PANK1: variants seen among roughly 807,000 people sequenced by gnomAD.
PANK1 encodes pantothenic acid kinase 1.
In PANK1, 18 loss-of-function variants were observed where a neutral mutation model predicts 40.1. The observed-to-expected ratio is 0.45, with a 90% CI of 0.31 to 0.67. The LOEUF (loss-of-function observed/expected upper bound fraction) is 0.67, where lower values mean the gene tolerates loss of function less well. Ranked by LOEUF, PANK1 falls within the 30% of genes least tolerant of loss-of-function variation. The pLI is 0.06. For synonymous variants in PANK1, 242 were observed against 237.7 expected (o/e 1.02, Z -0.17); for missense variants, 457 against 599.6 (o/e 0.76, Z 2.48).
chr10:89,587,937 T>C (rs1844253103), intron 6 of PANK1, among the ~76,000 whole-genome samples: 1 of 152,238 alleles, frequency 6.6e-6, no homozygotes, highest in African/African-American at 2.4e-5. Flanking sequence ...ATTTCTTTGG[T>C]GAGAACATTT....
chr10:89,600,702 C>A (rs1844752114), intron 2 of PANK1, among the ~76,000 whole-genome samples: 2 of 152,092 alleles, frequency 1.3e-5, no homozygotes, highest in Non-Finnish European at 2.9e-5. Context: ...GTCTGGTAGC[C>A]ATTTTGCCTT....
intron 1 of PANK1, among the ~76,000 whole-genome samples, chr10:89,640,161 C>A (rs1254722774): frequency 6.6e-6 from 1 of 152,084 alleles, no homozygotes; most frequent in Non-Finnish European, 1.5e-5. Flanking sequence ...GAACTGCATG[C>A]TTTTGTAAAA....
chr10:89,644,534 TC>T, intron 1 of PANK1, 65 bp downstream of exon 1: 1 of 1,437,458 alleles, frequency 7.0e-7, no homozygotes. Context: ...CCTCAGCCGC[TC>T]CCAGTCCCGG....
At chr10:89,629,034 C>T (rs6586210) in intron 1 of PANK1, among the ~76,000 whole-genome samples, 16,932 of 152,084 alleles carry the variant, frequency 0.11, 1,602 homozygotes, top group East Asian at 0.43. Flanking sequence ...CTGCTGTGTC[C>T]GAATGCAGAG....
chr10:89,584,595 G>T, intron 6 of PANK1, 130 bp from the exon 7 acceptor site: 1 of 618,374 alleles, frequency 1.6e-6, no homozygotes, highest in Non-Finnish European at 2.9e-6. Context: ...CACAAAACAT[G>T]GCAGAATAAT....
chr10:89,592,006 G>A (rs914257758), intron 5 of PANK1, among the ~76,000 whole-genome samples: 1 of 152,136 alleles, frequency 6.6e-6, no homozygotes, highest in African/African-American at 2.4e-5. Context: ...ATTGGTCTTG[G>A]GGCTTGTTTC....
chr10:89,586,375 T>C (rs1844196597), intron 6 of PANK1, among the ~76,000 whole-genome samples: 1 of 152,194 alleles, frequency 6.6e-6, no homozygotes, highest in Admixed American at 6.5e-5. Flanking sequence ...GGAAACTCCA[T>C]AAATAATCAG....
intron 1 of PANK1, among the ~76,000 whole-genome samples, chr10:89,628,986 A>C (rs1272826249): frequency 6.6e-6 from 1 of 152,156 alleles, no homozygotes; most frequent in Non-Finnish European, 1.5e-5. Context: ...TTAATTTCTC[A>C]CTGCTGTCAG....
intron 1 of PANK1, chr10:89,643,903 T>C (rs1343532210): frequency 1.4e-6 from 2 of 1,389,076 alleles, no homozygotes; most frequent in Non-Finnish European, 9.4e-7. Flanking sequence ...TTCTCCGGTG[T>C]ACATTACAAT....
At chr10:89,599,527 A>G in intron 2 of PANK1, 22 bp from the exon 3 acceptor site, 2 of 1,602,648 alleles carry the variant, frequency 1.2e-6, no homozygotes, top group Non-Finnish European at 1.7e-6. Flanking sequence ...CACACAACAA[A>G]ATAAAACCTT....
intron 6 of PANK1, 42 bp downstream of exon 6, chr10:89,588,610 A>G: frequency 1.3e-6 from 2 of 1,488,190 alleles, no homozygotes; most frequent in Non-Finnish European, 1.8e-6. Flanking sequence ...AAACCAAAAT[A>G]TACTCCACAT....
intron 2 of PANK1, among the ~76,000 whole-genome samples, chr10:89,611,283 T>C (rs968349331): frequency 1.3e-4 from 20 of 152,238 alleles, no homozygotes; most frequent in African/African-American, 4.8e-4. Flanking sequence ...TCATTTTTGG[T>C]AGGATTCATA....
chr10:89,614,990 A>T (rs1845274196), intron 1 of PANK1, among the ~76,000 whole-genome samples: 1 of 152,030 alleles, frequency 6.6e-6, no homozygotes, highest in African/African-American at 2.4e-5. Context: ...ACAATTTCTA[A>T]TATGTTCATG....
intron 2 of PANK1, among the ~76,000 whole-genome samples, chr10:89,602,769 T>A (rs1434703237): frequency 6.6e-6 from 1 of 152,202 alleles, no homozygotes; most frequent in African/African-American, 2.4e-5. Context: ...TGATAAGGAC[T>A]GTAGCAAACA....
chr10:89,644,515 C>T, intron 1 of PANK1, 85 bp downstream of exon 1: 3 of 1,227,842 alleles, frequency 2.4e-6, no homozygotes, highest in Non-Finnish European at 3.3e-6. Context: ...GGGCGTGCTG[C>T]GGCGCCTGCC....
intron 2 of PANK1, among the ~76,000 whole-genome samples, chr10:89,610,529 C>T (rs7922727): frequency 0.54 from 82,490 of 151,738 alleles, 23,281 homozygotes; most frequent in South Asian, 0.63. Flanking sequence ...GACTCTGTTG[C>T]CTGCCCTTAC....
chr10:89,605,063 TAA>T (rs760265414), intron 2 of PANK1, among the ~76,000 whole-genome samples: 24 of 133,068 alleles, frequency 1.8e-4, no homozygotes, highest in Admixed American at 3.1e-4. Context: ...GCATTATGTC[TAA>T]AAAAAAAAAA....
intron 1 of PANK1, among the ~76,000 whole-genome samples, chr10:89,631,869 T>C (rs1841654570): frequency 6.6e-6 from 1 of 152,100 alleles, no homozygotes; most frequent in South Asian, 2.1e-4. Context: ...TGTGGTTAGA[T>C]AACTGAATTT....
At chr10:89,593,774 G>A (rs772792346) in intron 4 of PANK1, 39 bp downstream of exon 4, 5 of 1,500,264 alleles carry the variant, frequency 3.3e-6, no homozygotes, top group Non-Finnish European at 4.6e-6. Flanking sequence ...AGGCTGCCTT[G>A]TGTTTAATCA....
Sources: allele counts gnomAD v4.1 joint callset (sites outside exome capture counted in the v4.1 genomes callset), GRCh38; gene constraint gnomAD v4.1.1; transcripts MANE v1.5; gene names NCBI Gene and HGNC (gene_info 2026-07-23, HGNC 2026-07-21).